The following INPP1 variants were observed in gnomAD, a reference collection of about 807,000 sequenced individuals.
INPP1 encodes inositol polyphosphate 1-phosphatase.
INPP1 carries 18 observed loss-of-function variants against 23.0 expected under a neutral mutation model. The ratio of observed to expected loss-of-function variants is 0.78; its 90% confidence interval spans 0.54 to 1.16. The LOEUF (loss-of-function observed/expected upper bound fraction) is 1.16. Among genes scored for constraint, INPP1 ranks in the 50% most tolerant of loss-of-function variants. The probability of loss-of-function intolerance (pLI) is 0.00; values close to 1 mark genes in which losing one functional copy is unlikely to be tolerated. For missense variants in INPP1, 448 were observed against 482.1 expected, an observed-to-expected ratio of 0.93 and a Z score of 0.66; for synonymous variants, 164 against 176.3, an observed-to-expected ratio of 0.93 and a Z score of 0.55.
At chr2:190,369,782 A>G (rs1386654689) in intron 6 of INPP1, among the ~76,000 whole-genome samples, 1 of 152,014 alleles carries the variant, frequency 6.6e-6, no homozygotes, top group Non-Finnish European at 1.5e-5. Flanking sequence ...TCTTCCATGC[A>G]CTCTTAAACA....
chr2:190,359,984 AC>A (rs1689503005), intron 2 of INPP1, 54 bp from the exon 3 acceptor site: 2 of 979,428 alleles, frequency 2.0e-6, no homozygotes, highest in South Asian at 3.1e-5. Flanking sequence ...TGCCAGAGGC[AC>A]CCTGACATCA....
At chr2:190,366,123 CTCTG>C (rs1279157584) in intron 4 of INPP1, among the ~76,000 whole-genome samples, 1 of 151,478 alleles carries the variant, frequency 6.6e-6, no homozygotes, top group Non-Finnish European at 1.5e-5. Context: ...CTCTGTCTCG[CTCTG>C]TCTCTCTTGC....
rs201566580 is a variant in INPP1, at chr2:190,360,195, G to A, written c.93G>A (p.Leu31=). The A allele has an allele frequency of 1.2e-6, 2 of 1,614,192 alleles. No homozygotes were observed. Among genetic ancestry groups the A allele is most frequent in the South Asian group, 2.2e-5 (2 of 91,084 alleles). The change falls in exon 3 of 7, where the codon CTG becomes CTA. Residue 31 remains leucine (L), a synonymous_variant. Transcript: ENST00000392329. ...ACRQQEALFQ[L]LIEEKKEGEK... is the part of the protein sequence containing the mutation. ...GACAGCAGGAAGCCCTCTTCCAGCT[G>A]CTGATCGAAGAAAAGAAAGAGGGAG...
chr2:190,366,345 C>T (rs1214016209), intron 4 of INPP1, among the ~76,000 whole-genome samples: 1 of 151,702 alleles, frequency 6.6e-6, no homozygotes, highest in African/African-American at 2.4e-5. Context: ...CTCTGTCTCT[C>T]TCTTGCTTGC....
At chr2:190,365,905 C>G (rs1689639527) in intron 4 of INPP1, among the ~76,000 whole-genome samples, 1 of 151,488 alleles carries the variant, frequency 6.6e-6, no homozygotes, top group Non-Finnish European at 1.5e-5. Context: ...CTTGCTCTGT[C>G]TCGCTCTCTT....
intron 2 of INPP1, among the ~76,000 whole-genome samples, chr2:190,357,342 A>G (rs1342125135): frequency 6.6e-6 from 1 of 152,220 alleles, no homozygotes; most frequent in Non-Finnish European, 1.5e-5. Flanking sequence ...TTTGAAAATT[A>G]TAGAAAAGCA....
Position 190,368,357 on chromosome 2 carries a change from T to C in INPP1, c.467-746T>C, listed in dbSNP as rs1559086186. Reference sequence around the variant, plus strand: ...CATAGGAGCTCCGTTAATTTCTTTTTTTGGTGCCACCATCATTGTCTCTTT... The same window carrying C: ...CATAGGAGCTCCGTTAATTTCTTTTCTTGGTGCCACCATCATTGTCTCTTT... On this transcript the variant is annotated intron_variant, in intron 5 of 6. Coordinates refer to ENST00000392329, the MANE Select transcript of INPP1 (RefSeq NM_001128928.2). The surrounding 1 kb of genome is among the most constrained non-coding windows in gnomAD (Gnocchi z 4.3). Among the ~76,000 whole-genome samples the C allele has an allele frequency of 6.6e-6, 1 of 152,218 alleles. No homozygotes were observed. The highest frequency in any genetic ancestry group is 1.5e-5 in the Non-Finnish European group (1 of 68,030).
rs537840485 is a variant in INPP1, at chr2:190,366,558, G to A, written c.266-137G>A. On this transcript the variant is annotated intron_variant, in intron 4 of 6. Coordinates refer to ENST00000392329, the MANE Select transcript of INPP1 (RefSeq NM_001128928.2). ...CTCTCTCGCTCTTTCGCTCTGTCTCGCTCTCTGTGTCTCTCGCTCTCTCTC... is the reference window on the plus strand; with the variant it reads ...CTCTCTCGCTCTTTCGCTCTGTCTCACTCTCTGTGTCTCTCGCTCTCTCTC... 6.4e-5 allele frequency: 42 copies of A among 653,242 alleles called. No homozygotes were observed. In the East Asian group the frequency reaches 1.0e-3, roughly 16 times the overall value. 40.5% of individuals were successfully genotyped at this position (653,242 alleles called of 1,614,324 possible).
Position 190,371,366 on chromosome 2 carries a change from G to A in INPP1, c.1164G>A (p.Leu388=). 6.5e-7 allele frequency: 1 copy of A among 1,535,730 alleles called. No individual in the cohort carries two copies. The highest frequency in any genetic ancestry group is 8.8e-7 in the Non-Finnish European group (1 of 1,142,316). Residue 388 remains leucine, a synonymous_variant, in exon 7 of 7, where the codon CTG becomes CTA. Coordinates refer to ENST00000392329, the MANE Select transcript of INPP1 (RefSeq NM_001128928.2). The surrounding 1 kb of genome is among the most constrained non-coding windows in gnomAD (Gnocchi z 5.3). ...GGCTGGAGACATTCCTGAGCCTCCT[G>A]GTCCAAAACCTGGCACCTGCAGAGA... ...RKRLETFLSL[L]VQNLAPAETH... is the part of the protein sequence containing the mutation.
intron 1 of INPP1, chr2:190,344,233 G>C (rs1163495713): frequency 6.5e-6 from 1 of 153,920 alleles, no homozygotes; most frequent in Non-Finnish European, 1.4e-5. Context: ...GTCCCGCGGC[G>C]CCCTTGGCCC....
At chr2:190,366,057 C>T (rs1689650405) in intron 4 of INPP1, among the ~76,000 whole-genome samples, 1 of 84,346 alleles carries the variant, frequency 1.2e-5, no homozygotes, top group Non-Finnish European at 2.3e-5. Context: ...TTTGCTCTCT[C>T]TGTCTCTCTG....
At chr2:190,350,526 T>C (rs1026630680) in intron 2 of INPP1, among the ~76,000 whole-genome samples, 1 of 152,240 alleles carries the variant, frequency 6.6e-6, no homozygotes, top group Non-Finnish European at 1.5e-5. Context: ...ATATACAAGC[T>C]ATCAGAACAG....
At chr2:190,365,210 A>C in intron 4 of INPP1, 1 of 168,962 alleles carries the variant, frequency 5.9e-6, no homozygotes. Context: ...TCGGTAACTT[A>C]TCGTTTCATT....
At chr2:190,349,985 C>T (rs910326143) in intron 2 of INPP1, among the ~76,000 whole-genome samples, 2 of 152,166 alleles carry the variant, frequency 1.3e-5, no homozygotes, top group Non-Finnish European at 2.9e-5. Context: ...GTTGGGATTA[C>T]AGGCATGCGC....
At chr2:190,361,877 T>C (rs1213221891) in intron 3 of INPP1, among the ~76,000 whole-genome samples, 1 of 152,242 alleles carries the variant, frequency 6.6e-6, no homozygotes, top group Non-Finnish European at 1.5e-5. Context: ...AGTTCAAATA[T>C]TTGAAGCACG....
At chr2:190,362,215 G>A (rs1361096833) in intron 3 of INPP1, among the ~76,000 whole-genome samples, 3 of 152,116 alleles carry the variant, frequency 2.0e-5, no homozygotes, top group African/African-American at 4.8e-5. Context: ...GTCTCAAGTC[G>A]TGCTTTTAGA....
intron 2 of INPP1, among the ~76,000 whole-genome samples, chr2:190,350,877 G>T: frequency 6.6e-6 from 1 of 152,218 alleles, no homozygotes; most frequent in Admixed American, 6.5e-5. Context: ...GATAATTTTA[G>T]ATTCTGATTT....
chr2:190,369,261 G>A lies in INPP1; in HGVS notation c.625G>A (p.Asp209Asn). The change falls in exon 6 of 7, where the codon GAT (aspartate) becomes AAT (asparagine). Residue 209 changes from aspartate to asparagine, a missense_variant. Transcript: ENST00000392329. ...GVINQPFVSR[D>N]PNTLRWKGQC... Reference sequence around the variant, plus strand: ...CATCAATCAACCTTTTGTGTCACGAGATCCAAACACCCTCAGGTAAAAGGC... The same window carrying A: ...CATCAATCAACCTTTTGTGTCACGAAATCCAAACACCCTCAGGTAAAAGGC... 1 of 1,584,936 alleles carries A rather than the reference G, an allele frequency of 6.3e-7. No individual in the cohort carries two copies. The highest frequency in any genetic ancestry group is 8.6e-7 in the Non-Finnish European group (1 of 1,159,066).
rs1346942146 is a variant in INPP1 at position 190,352,641 on chromosome 2, A to G, written c.-65+3610A>G. Among the ~76,000 whole-genome samples the G allele has an allele frequency of 1.3e-5, 2 of 152,016 alleles. No homozygotes were observed. Among genetic ancestry groups the G allele is most frequent in the East Asian group, 3.9e-4 (2 of 5,174 alleles). The stretch of plus-strand genomic sequence containing the variant: ...GTCCCTTCTGCACAAACAACCTCCA[A>G]TCTTTAAAACTACTCCCCAAGGCAG... On this transcript the variant is annotated intron_variant, in intron 2 of 6. Transcript: ENST00000392329. This position sits in a 1 kb window ranked among gnomAD's most constrained non-coding sequence, Gnocchi z 4.7.
Sources: gnomAD v4.1 joint callset for allele counts (sites outside exome capture counted in the v4.1 genomes callset) on GRCh38, gnomAD v4.1.1 for gene constraint, Gnocchi (gnomAD v3.1) non-coding constraint, MANE v1.5 for transcripts, NCBI Gene and HGNC (gene_info 2026-07-23, HGNC 2026-07-21) for gene names.